Variants in DIP2C observed in about 807,000 individuals in gnomAD.
DIP2C encodes the protein disco-interacting protein 2 homolog C.
Under a neutral mutation model 192.4 loss-of-function variants are expected in DIP2C, and 33 were observed. That is an observed-to-expected ratio of 0.17 (90% CI 0.13 to 0.23). The LOEUF is 0.23. DIP2C is among the 10% of genes least tolerant of loss of function. DIP2C has a pLI of 1.00. For missense variants in DIP2C, 1,537 were observed against 2,110.1 expected (o/e 0.73, Z 5.32); for synonymous variants, 979 against 864.1 (o/e 1.13, Z -2.33).
chr10:375,432 C>G (rs986888745), intron 17 of DIP2C, among the ~76,000 whole-genome samples: 7 of 152,224 alleles, frequency 4.6e-5, no homozygotes, highest in African/African-American at 1.7e-4. Context: ...AAATAAACCT[C>G]TTTTCCTTAT....
intron 2 of DIP2C, among the ~76,000 whole-genome samples, chr10:476,956 T>G (rs577718350): frequency 2.8e-4 from 40 of 145,384 alleles, no homozygotes; most frequent in Admixed American, 1.2e-3. Flanking sequence ...GGCCACAGGA[T>G]GGGCTCGGGA....
intron 1 of DIP2C, among the ~76,000 whole-genome samples, chr10:643,855 G>A (rs1855322142): frequency 6.6e-6 from 1 of 152,234 alleles, no homozygotes; most frequent in Non-Finnish European, 1.5e-5. Context: ...AGGGTGGAGT[G>A]AAGTTACAGA....
intron 6 of DIP2C, among the ~76,000 whole-genome samples, chr10:418,235 C>A (rs1296408059): frequency 9.1e-6 from 1 of 110,028 alleles, no homozygotes; most frequent in African/African-American, 4.1e-5. Flanking sequence ...GTCAGGGCTT[C>A]GATAGGCCTC....
chr10:313,965 A>T (rs1956667418), intron 31 of DIP2C, among the ~76,000 whole-genome samples: 1 of 152,246 alleles, frequency 6.6e-6, no homozygotes, highest in Admixed American at 6.5e-5. Context: ...ATAGGGCTAT[A>T]GTAAATAGAA....
chr10:474,095 T>C (rs1271661514), intron 2 of DIP2C, among the ~76,000 whole-genome samples: 1 of 152,238 alleles, frequency 6.6e-6, no homozygotes, highest in Non-Finnish European at 1.5e-5. Flanking sequence ...CTTTTAAAAA[T>C]GATCTTCAAT....
intron 1 of DIP2C, among the ~76,000 whole-genome samples, chr10:585,180 G>A (rs780856385): frequency 5.9e-5 from 9 of 152,172 alleles, no homozygotes; most frequent in East Asian, 3.9e-4. Flanking sequence ...CTATGAGCCC[G>A]GAGAACACCG....
chr10:349,462 C>T lies in DIP2C; in HGVS notation c.2986-8G>A. 6.3e-7 allele frequency: 1 copy of T among 1,597,458 alleles called. No homozygotes were observed. Among genetic ancestry groups the T allele is most frequent in the Non-Finnish European group, 8.5e-7 (1 of 1,171,408 alleles). On this transcript the variant is annotated splice_polypyrimidine_tract_variant and splice_region_variant and intron_variant, in intron 24 of 36. Coordinates refer to ENST00000280886, the MANE Select transcript of DIP2C (RefSeq NM_014974.3). ...CGAGTTCGCTATCGCACCCTGCGGGCCGATCACAGGGACAAGCACATAAGA... is the reference window on the plus strand; with the variant it reads ...CGAGTTCGCTATCGCACCCTGCGGGTCGATCACAGGGACAAGCACATAAGA...
chr10:426,487 G>A (rs1341926111), intron 4 of DIP2C, among the ~76,000 whole-genome samples: 4 of 152,190 alleles, frequency 2.6e-5, no homozygotes, highest in Admixed American at 2.6e-4. Flanking sequence ...CTTTGTGTGT[G>A]TGAAATTGAA....
chr10:506,722 C>T (rs531133577), intron 1 of DIP2C, among the ~76,000 whole-genome samples: 2 of 152,328 alleles, frequency 1.3e-5, no homozygotes, highest in Admixed American at 6.5e-5. Flanking sequence ...TTCTATTTGC[C>T]GGCCACAGCC....
intron 13 of DIP2C, among the ~76,000 whole-genome samples, chr10:389,362 T>C (rs1963270547): frequency 6.6e-6 from 1 of 152,080 alleles, no homozygotes; most frequent in Non-Finnish European, 1.5e-5. Context: ...CATTTCAGTG[T>C]GGTTGCCACA....
intron 1 of DIP2C, among the ~76,000 whole-genome samples, chr10:548,744 C>T (rs1848435361): frequency 6.6e-6 from 1 of 151,782 alleles, no homozygotes; most frequent in Non-Finnish European, 1.5e-5. Flanking sequence ...CTCGCACAAC[C>T]TCACAGACTG....
At chr10:566,053 AAAAAC>A (rs1190225360) in intron 1 of DIP2C, among the ~76,000 whole-genome samples, 6 of 152,254 alleles carry the variant, frequency 3.9e-5, no homozygotes, top group Non-Finnish European at 7.3e-5. Flanking sequence ...ACTCACCAGA[AAAAAC>A]AAAACAAAAA....
intron 32 of DIP2C, among the ~76,000 whole-genome samples, chr10:307,080 G>A (rs1190018232): frequency 6.6e-6 from 1 of 151,978 alleles, no homozygotes; most frequent in South Asian, 2.1e-4. Flanking sequence ...CTCTGCACTT[G>A]TGGCCCCTCT....
chr10:292,210 G>A (rs1326106828), intron 32 of DIP2C, among the ~76,000 whole-genome samples: 1 of 152,236 alleles, frequency 6.6e-6, no homozygotes, highest in Non-Finnish European at 1.5e-5. Context: ...GTGCATTACT[G>A]CTGCCCAAAT....
chr10:445,989 C>T (rs925083096), intron 3 of DIP2C, among the ~76,000 whole-genome samples: 1 of 151,854 alleles, frequency 6.6e-6, no homozygotes, highest in African/African-American at 2.4e-5. Context: ...CACTGGGCAT[C>T]TGTATACATC....
At chr10:492,635 A>G (rs1040086866) in intron 1 of DIP2C, among the ~76,000 whole-genome samples, 1 of 152,216 alleles carries the variant, frequency 6.6e-6, no homozygotes, top group South Asian at 2.1e-4. Context: ...CAAATATTTA[A>G]TTAACGGTAG....
At chr10:298,904 A>G (rs566928895) in intron 32 of DIP2C, among the ~76,000 whole-genome samples, 73 of 152,330 alleles carry the variant, frequency 4.8e-4, no homozygotes, top group African/African-American at 1.3e-3. Context: ...TCCACCATGA[A>G]GTGTGACTAA....
chr10:563,248 G>A (rs1849308135), intron 1 of DIP2C, among the ~76,000 whole-genome samples: 1 of 152,200 alleles, frequency 6.6e-6, no homozygotes, highest in Non-Finnish European at 1.5e-5. Flanking sequence ...GCTTGGGGCT[G>A]CCATTTTCTG....
chr10:394,644 C>A (rs1963819164), intron 10 of DIP2C, among the ~76,000 whole-genome samples: 1 of 149,028 alleles, frequency 6.7e-6, no homozygotes, highest in East Asian at 2.0e-4. Flanking sequence ...CATTATGCCA[C>A]ACAGTGGGCG....
Sources: gnomAD v4.1 joint callset for allele counts (sites outside exome capture counted in the v4.1 genomes callset) on GRCh38, gnomAD v4.1.1 for gene constraint, MANE v1.5 for transcripts, NCBI Gene and HGNC (gene_info 2026-07-23, HGNC 2026-07-21) for gene names.